The following SLC4A4 variants were observed in gnomAD, a reference collection of about 807,000 sequenced individuals.
SLC4A4 encodes electrogenic sodium bicarbonate cotransporter 1.
In SLC4A4, 27 loss-of-function variants were observed where a neutral mutation model predicts 111.5. The ratio of observed to expected loss-of-function variants is 0.24; its 90% CI spans 0.18 to 0.33. The LOEUF (loss-of-function observed/expected upper bound fraction) is 0.33. Among genes scored for constraint, SLC4A4 ranks in the 10% least tolerant of loss-of-function variants. The pLI, the probability that SLC4A4 is intolerant of heterozygous loss-of-function variation, is 1.00. For missense variants in SLC4A4, 909 were observed against 1,315.5 expected, an observed-to-expected ratio of 0.69 and a Z score of 4.78; for synonymous variants, 443 against 463.4, an observed-to-expected ratio of 0.96 and a Z score of 0.57.
At position 71,567,010 on chromosome 4, in the gene SLC4A4, G is replaced by A. The variant is rs1289967903; in HGVS notation, c.3203G>A (p.Arg1068Lys). ...AAAAAATTTTATTTTCCAGGAGAAA[G>A]ATCACCAACATTCCTTGAACGCCAC... Reference protein sequence around the residue: ...LSDSKPSDRERSPTFLERHTS... With the variant: ...LSDSKPSDREKSPTFLERHTS... Residue 1068 changes from arginine (R) to lysine (K), a missense_variant, in exon 25 of 26, where the codon AGA (arginine) becomes AAA (lysine). By Grantham distance (26) the Arg-to-Lys change is conservative. This residue lies in a region of SLC4A4 where 85 missense variants were observed against 79.8 expected (regional missense o/e 1.07). Coordinates refer to ENST00000264485, the MANE Select transcript of SLC4A4 (RefSeq NM_001098484.3). 1 of 1,609,540 alleles carries A rather than the reference G, an allele frequency of 6.2e-7. No individual in the cohort carries two copies. The highest frequency in any genetic ancestry group is 8.5e-7 in the Non-Finnish European group (1 of 1,177,138).
At chr4:71,143,110 T>TCC (rs1744058169) in intron 2 of SLC4A4, among the ~76,000 whole-genome samples, 1 of 151,056 alleles carries the variant, frequency 6.6e-6, no homozygotes, top group Non-Finnish European at 1.5e-5. Flanking sequence ...CCCCCCACCA[T>TCC]GCAACCATCC....
At chr4:71,526,281 C>G (rs972334692) in intron 16 of SLC4A4, among the ~76,000 whole-genome samples, 4 of 151,954 alleles carry the variant, frequency 2.6e-5, no homozygotes, top group African/African-American at 9.7e-5. Context: ...TAAACACTCT[C>G]CAGGAGTGAT....
intron 23 of SLC4A4, 114 bp downstream of exon 23, chr4:71,560,368 G>A: frequency 8.3e-7 from 1 of 1,200,646 alleles, no homozygotes. Flanking sequence ...TGTTTATCTG[G>A]ACATGTGGTG....
chr4:71,331,038 C>G (rs377073366), intron 3 of SLC4A4, among the ~76,000 whole-genome samples: 19 of 152,162 alleles, frequency 1.2e-4, no homozygotes, highest in Non-Finnish European at 1.9e-4. Context: ...GAGATACCAT[C>G]TCACACCAGT....
At chr4:71,517,319 A>G (rs1319384970) in intron 16 of SLC4A4, among the ~76,000 whole-genome samples, 1 of 151,714 alleles carries the variant, frequency 6.6e-6, no homozygotes, top group Non-Finnish European at 1.5e-5. Context: ...TATATTTTCA[A>G]ATAACTTGTC....
chr4:71,406,811 T>C (rs556666120), intron 7 of SLC4A4, among the ~76,000 whole-genome samples: 1 of 152,120 alleles, frequency 6.6e-6, no homozygotes, highest in South Asian at 2.1e-4. Flanking sequence ...TAGGGAGTGA[T>C]TGTAAGCTTT....
chr4:71,170,777 A>G (rs1271834763), intron 2 of SLC4A4, among the ~76,000 whole-genome samples: 1 of 152,230 alleles, frequency 6.6e-6, no homozygotes, highest in Non-Finnish European at 1.5e-5. Flanking sequence ...TTTAAGTGGC[A>G]TAGTCTAAAT....
intron 1 of SLC4A4, among the ~76,000 whole-genome samples, chr4:71,072,091 G>T (rs1176177232): frequency 2.0e-5 from 3 of 152,026 alleles, no homozygotes; most frequent in African/African-American, 7.2e-5. Flanking sequence ...TTTAAAATTT[G>T]TATGTATTTG....
chr4:71,466,667 G>T, intron 13 of SLC4A4, 90 bp downstream of exon 13: 1 of 1,331,656 alleles, frequency 7.5e-7, no homozygotes. Context: ...TGATTAGGCA[G>T]ATCCAAGAAT....
At chr4:71,176,935 C>T (rs1207407314) in intron 2 of SLC4A4, among the ~76,000 whole-genome samples, 1 of 152,156 alleles carries the variant, frequency 6.6e-6, no homozygotes, top group Non-Finnish European at 1.5e-5. Flanking sequence ...AGAGAAAGGT[C>T]GGGTTACTCA....
In SLC4A4 at chr4:71,134,804, A is replaced by T. The variant is rs969989816; in HGVS notation, c.-2+42012A>T. Among the ~76,000 whole-genome samples the T allele has an allele frequency of 3.3e-5, 5 of 152,206 alleles. No individual in the cohort carries two copies. In the East Asian group the frequency reaches 9.6e-4, roughly 29 times the overall value. On this transcript the variant is annotated intron_variant, in intron 2 of 26. Coordinates refer to the SLC4A4 transcript ENST00000649996. The stretch of plus-strand genomic sequence containing the variant: ...GGCTGAGTCTGTTACTGTGGACCCC[A>T]GTCCTACTTCTTCAATAGGGAAAGG...
At chr4:71,537,384 A>G (rs981580630) in intron 18 of SLC4A4, among the ~76,000 whole-genome samples, 26 of 77,326 alleles carry the variant, frequency 3.4e-4, no homozygotes, top group African/African-American at 8.2e-4. Flanking sequence ...ATATATACAT[A>G]TGTGTGTGTA....
intron 2 of SLC4A4, among the ~76,000 whole-genome samples, chr4:71,111,524 GTTTTTTT>G (rs150777420): frequency 6.6e-5 from 4 of 60,820 alleles, no homozygotes; most frequent in South Asian, 9.8e-4. Flanking sequence ...CCACGCTCAG[GTTTTTTT>G]TTTTTTTTTT....
intron 1 of SLC4A4, among the ~76,000 whole-genome samples, chr4:71,221,421 A>C (rs1718737851): frequency 6.6e-6 from 1 of 152,240 alleles, no homozygotes; most frequent in African/African-American, 2.4e-5. Flanking sequence ...CTTATGGCAA[A>C]GGATGACAAG....
chr4:71,485,488 C>G (rs1729291573), intron 14 of SLC4A4, among the ~76,000 whole-genome samples: 1 of 151,624 alleles, frequency 6.6e-6, no homozygotes, highest in Admixed American at 6.6e-5. Context: ...ATAAAGCCTA[C>G]TTGATCGTGG....
chr4:71,417,688 T>C (rs1721944851), intron 7 of SLC4A4, among the ~76,000 whole-genome samples: 1 of 152,354 alleles, frequency 6.6e-6, no homozygotes, highest in Admixed American at 6.5e-5. Context: ...TATTAAATAC[T>C]TTAAAATATG....
intron 1 of SLC4A4, among the ~76,000 whole-genome samples, chr4:71,087,213 C>G (rs1578465534): frequency 6.6e-6 from 1 of 152,016 alleles, no homozygotes; most frequent in African/African-American, 2.4e-5. Flanking sequence ...ACAGTATTCT[C>G]TGATGGTAGT....
At chr4:71,085,543 G>A (rs150144392) in intron 1 of SLC4A4, among the ~76,000 whole-genome samples, 4,022 of 152,030 alleles carry the variant, frequency 0.026, 93 homozygotes, top group Middle Eastern at 0.044. Context: ...TTTTAGGTCT[G>A]ACATTTAAGT....
intron 7 of SLC4A4, among the ~76,000 whole-genome samples, chr4:71,409,978 C>A (rs1560482194): frequency 1.3e-5 from 2 of 152,314 alleles, no homozygotes; most frequent in African/African-American, 4.8e-5. Context: ...GCAGCTTCCA[C>A]ATGGTGTTGA....
Sources: gnomAD v4.1 joint callset for allele counts (sites outside exome capture counted in the v4.1 genomes callset) on GRCh38, gnomAD v4.1.1 for gene constraint, gnomAD v4.1.1 regional missense constraint, MANE v1.5 for transcripts, NCBI Gene and HGNC (gene_info 2026-07-23, HGNC 2026-07-21) for gene names.